MND1: variants seen among roughly 807,000 people sequenced by gnomAD.
MND1 encodes the protein meiotic nuclear divisions 1.
MND1 carries 28 observed loss-of-function variants against 35.1 expected under a neutral mutation model. The ratio of observed to expected loss-of-function variants is 0.80; its 90% CI spans 0.59 to 1.09. MND1 has a LOEUF of 1.09. Among genes scored for constraint, MND1 ranks in the 50% least tolerant of loss-of-function variants. The pLI, the probability that MND1 is intolerant of heterozygous loss-of-function variation, is 0.00. For missense variants in MND1, 213 were observed against 239.6 expected (o/e 0.89, Z 0.73); for synonymous variants, 69 against 70.5 (o/e 0.98, Z 0.11).
chr4:153,358,673 T>G (rs1320206989), intron 4 of MND1, 51 bp downstream of exon 4: 1 of 1,529,180 alleles, frequency 6.5e-7, no homozygotes, highest in South Asian at 1.3e-5. Context: ...CGGAGAGTTG[T>G]TTTACTTCAT....
At chr4:153,394,195 T>C (rs1446851241) in intron 4 of MND1, 67 bp from the exon 5 acceptor site, 1 of 1,475,904 alleles carries the variant, frequency 6.8e-7, no homozygotes, top group East Asian at 2.4e-5. Flanking sequence ...TGGTGGACTT[T>C]GTTTTCATCA....
chr4:153,384,443 ATTTT>A (rs561004288), intron 4 of MND1, among the ~76,000 whole-genome samples: 8 of 63,166 alleles, frequency 1.3e-4, no homozygotes, highest in Non-Finnish European at 1.5e-4. Flanking sequence ...CTAATGTTTA[ATTTT>A]TTTTTTTTTT....
chr4:153,365,714 C>T (rs1291109355), intron 4 of MND1, among the ~76,000 whole-genome samples: 9 of 152,144 alleles, frequency 5.9e-5, no homozygotes, highest in African/African-American at 2.2e-4. Flanking sequence ...GTCCTCCCAT[C>T]TCAGCCTCGC....
chr4:153,402,653 G>T (rs1481590675), intron 6 of MND1, among the ~76,000 whole-genome samples: 1 of 152,160 alleles, frequency 6.6e-6, no homozygotes, highest in Non-Finnish European at 1.5e-5. Flanking sequence ...TGATCCCAAA[G>T]AATTGTCATT....
At chr4:153,363,214 CT>C (rs56951052) in intron 4 of MND1, among the ~76,000 whole-genome samples, 75,476 of 140,892 alleles carry the variant, frequency 0.54, 21,104 homozygotes, top group African/African-American at 0.78. Flanking sequence ...GGGGATAGTT[CT>C]TTTTTTTTTT....
chr4:153,373,767 C>T (rs1326552513), intron 4 of MND1, among the ~76,000 whole-genome samples: 4 of 152,144 alleles, frequency 2.6e-5, no homozygotes, highest in African/African-American at 7.2e-5. Flanking sequence ...GGTTTTGATA[C>T]GTCATTTCTA....
chr4:153,384,080 G>A (rs1253889493), intron 4 of MND1, among the ~76,000 whole-genome samples: 3 of 152,022 alleles, frequency 2.0e-5, no homozygotes, highest in African/African-American at 7.2e-5. Context: ...TGGATTCTGC[G>A]TAAGCCTTTG....
chr4:153,374,440 T>G (rs1728437041), intron 4 of MND1, among the ~76,000 whole-genome samples: 1 of 152,098 alleles, frequency 6.6e-6, no homozygotes, highest in Admixed American at 6.6e-5. Context: ...AAATGAGCAT[T>G]AGAGATGAAA....
In MND1 at chr4:153,401,607, C is replaced by T. The variant is rs115875322; in HGVS notation, c.466+4274C>T. 5.6e-3 allele frequency among the ~76,000 whole-genome samples: 847 copies of T among 151,902 alleles called. 6 individuals carry two copies. Among genetic ancestry groups the T allele is most frequent in the African/African-American group, 0.019 (793 of 41,200 alleles). ...AGGGGTTTCATGGGATTTCAGCTAT[C>T]ATGTTAACGCAGAACAGATTATACT... On this transcript the variant is annotated intron_variant, in intron 6 of 7. Coordinates refer to ENST00000240488, the MANE Select transcript of MND1 (RefSeq NM_032117.4).
At chr4:153,377,893 G>A (rs1698222438) in intron 4 of MND1, among the ~76,000 whole-genome samples, 1 of 152,154 alleles carries the variant, frequency 6.6e-6, no homozygotes, top group Non-Finnish European at 1.5e-5. Flanking sequence ...TTGCTTGGAA[G>A]TTTTTTAATC....
At chr4:153,397,538 C>T (rs535267067) in intron 6 of MND1, among the ~76,000 whole-genome samples, 6 of 152,020 alleles carry the variant, frequency 3.9e-5, no homozygotes, top group Non-Finnish European at 8.8e-5. Flanking sequence ...CTTAATGTGC[C>T]GGGCACGTTG....
At chr4:153,363,605 G>T (rs780207851) in intron 4 of MND1, among the ~76,000 whole-genome samples, 3 of 152,168 alleles carry the variant, frequency 2.0e-5, no homozygotes, top group Non-Finnish European at 4.4e-5. Context: ...CATGCCCTCA[G>T]AGAGCTTTCA....
intron 6 of MND1, among the ~76,000 whole-genome samples, chr4:153,397,646 A>G (rs553595953): frequency 3.1e-4 from 44 of 142,028 alleles, no homozygotes; most frequent in Non-Finnish European, 5.8e-4. Context: ...GTGAAATCCC[A>G]TCTCTACAAA....
Position 153,397,350 on chromosome 4 carries a change from C to T in MND1, c.466+17C>T, listed in dbSNP as rs545607953. On this transcript the variant is annotated intron_variant, in intron 6 of 7. Transcript: ENST00000240488. ...AAGAAATACGTAAGTTTGTGTCATA[C>T]CTTAGGGATCTTTAACTTTGATAAT... is the stretch of plus-strand genomic sequence containing the variant. The T allele has an allele frequency of 1.9e-5, 30 of 1,551,536 alleles. No individual in the cohort carries two copies. In the African/African-American group the frequency reaches 4.0e-4, roughly 21 times the overall value.
At chr4:153,413,687 G>GAA (rs35958362) in intron 7 of MND1, among the ~76,000 whole-genome samples, 2 of 139,292 alleles carry the variant, frequency 1.4e-5, no homozygotes, top group African/African-American at 5.3e-5. Context: ...GTCTCAAGGG[G>GAA]AAAAAAAAAA....
intron 6 of MND1, among the ~76,000 whole-genome samples, chr4:153,403,588 G>A (rs1361757016): frequency 1.3e-5 from 2 of 151,966 alleles, no homozygotes; most frequent in Non-Finnish European, 1.5e-5. Context: ...TGGGGAGGGG[G>A]AAGAATCTGC....
At chr4:153,381,000 C>T (rs1377772791) in intron 4 of MND1, among the ~76,000 whole-genome samples, 1 of 151,714 alleles carries the variant, frequency 6.6e-6, no homozygotes, top group Non-Finnish European at 1.5e-5. Context: ...CCTGGGTTCA[C>T]GCCATTCTCC....
chr4:153,359,327 G>GT (rs1176850914), intron 4 of MND1, among the ~76,000 whole-genome samples: 1 of 152,102 alleles, frequency 6.6e-6, no homozygotes, highest in Non-Finnish European at 1.5e-5. Context: ...TTAACAAAAT[G>GT]CATTTGAGGT....
At chr4:153,365,044 G>A (rs1773592895) in intron 4 of MND1, among the ~76,000 whole-genome samples, 1 of 151,500 alleles carries the variant, frequency 6.6e-6, no homozygotes, top group Admixed American at 6.6e-5. Context: ...GCTGACCTTG[G>A]AAGATAGTTC....
Sources: allele counts gnomAD v4.1 joint callset (sites outside exome capture counted in the v4.1 genomes callset), GRCh38; gene constraint gnomAD v4.1.1; transcripts MANE v1.5; gene names NCBI Gene and HGNC (gene_info 2026-07-23, HGNC 2026-07-21).